Variants in CNTN4 observed in about 807,000 individuals in gnomAD.
The protein encoded by CNTN4 is contactin-4.
CNTN4 carries 77 observed loss-of-function variants against 122.5 expected under a neutral mutation model. The ratio of observed to expected loss-of-function variants is 0.63; its 90% CI spans 0.52 to 0.76. The LOEUF is 0.76. CNTN4 is among the 30% of genes least tolerant of loss of function. CNTN4 has a pLI of 0.00. For missense variants in CNTN4, 1,256 were observed against 1,259.1 expected, an observed-to-expected ratio of 1.00 and a Z score of 0.04; for synonymous variants, 512 against 447.0, an observed-to-expected ratio of 1.15 and a Z score of -1.83.
rs1157671569 is a variant in CNTN4 at position 2,631,865 on chromosome 3, C to CAA, written c.55+60319_55+60320dup. Among the ~76,000 whole-genome samples, 367 of 70,130 alleles carry CAA rather than the reference C, an allele frequency of 5.2e-3. 8 individuals are homozygous for CAA. The highest frequency in any genetic ancestry group is 0.011 in the Admixed American group (63 of 5,780). 46.0% of individuals were successfully genotyped at this position (70,130 alleles called of 152,430 possible). On this transcript the variant is annotated intron_variant, in intron 4 of 24. Coordinates refer to ENST00000418658, the MANE Select transcript of CNTN4 (RefSeq NM_175607.3). ...GCAACATAGGGAGACCGTATCTCTA[C>CAA]AAAAAAAAAAAAACAAAAAAAAACA...
rs111771670 is a variant in CNTN4 at position 2,299,669 on chromosome 3, A to G, written c.-144-39509A>G. The stretch of plus-strand genomic sequence containing the variant: ...ATAAAAATCAGGTAAGCTACAGTAG[A>G]TGTAGAAATTTAACGTGTGTACACA... On this transcript the variant is annotated intron_variant, in intron 2 of 24. Transcript: ENST00000418658. 1.9e-3 allele frequency among the ~76,000 whole-genome samples: 289 copies of G among 152,244 alleles called. 3 individuals carry two copies. Among genetic ancestry groups the G allele is most frequent in the African/African-American group, 6.5e-3 (272 of 41,560 alleles).
intron 4 of CNTN4, among the ~76,000 whole-genome samples, chr3:2,641,114 A>G (rs1257880848): frequency 1.3e-5 from 2 of 152,200 alleles, no homozygotes; most frequent in Non-Finnish European, 2.9e-5. Flanking sequence ...AATGCTATAT[A>G]CAACTTCAAC....
chr3:2,106,156 A>G (rs529085686), intron 2 of CNTN4, among the ~76,000 whole-genome samples: 2 of 152,314 alleles, frequency 1.3e-5, no homozygotes, highest in Admixed American at 1.3e-4. Context: ...CTCCCCTCCC[A>G]ACTGCTTTCA....
rs369795360 is a variant in CNTN4, at chr3:2,610,505, G to A, written c.55+38947G>A. On this transcript the variant is annotated intron_variant, in intron 4 of 24. Transcript: ENST00000418658. ...GTAGCACCCTCGCCATTTCTGCAAC[G>A]ATTTCCACTGAGTCGCATTTCAGCC... Among the ~76,000 whole-genome samples, 223 of 152,216 alleles carry A rather than the reference G, an allele frequency of 1.5e-3. 1 individual carries two copies. The highest frequency in any genetic ancestry group is 4.9e-3 in the African/African-American group (205 of 41,538).
chr3:2,439,825 C>T (rs969475917), intron 3 of CNTN4, among the ~76,000 whole-genome samples: 1 of 152,034 alleles, frequency 6.6e-6, no homozygotes, highest in Non-Finnish European at 1.5e-5. Flanking sequence ...TTCCAGTGCC[C>T]GAGGCATTCA....
intron 2 of CNTN4, among the ~76,000 whole-genome samples, chr3:2,131,906 C>T (rs1422437022): frequency 1.3e-5 from 2 of 152,108 alleles, no homozygotes; most frequent in African/African-American, 4.8e-5. Context: ...TCCCAATTTA[C>T]CTAGTGGGCA....
At chr3:3,046,842 A>G (rs1231788689) in intron 23 of CNTN4, among the ~76,000 whole-genome samples, 2 of 143,566 alleles carry the variant, frequency 1.4e-5, no homozygotes, top group African/African-American at 5.3e-5. Flanking sequence ...CAAATTGGAT[A>G]GAGTCAAGAC....
At chr3:2,335,450 G>C (rs1264170926) in intron 2 of CNTN4, among the ~76,000 whole-genome samples, 1 of 152,118 alleles carries the variant, frequency 6.6e-6, no homozygotes, top group Non-Finnish European at 1.5e-5. Flanking sequence ...TGAGCTTAAA[G>C]AAGGTGGGTA....
At chr3:2,295,254 C>T (rs1347458627) in intron 2 of CNTN4, among the ~76,000 whole-genome samples, 1 of 141,772 alleles carries the variant, frequency 7.1e-6, no homozygotes, top group Non-Finnish European at 1.5e-5. Context: ...AATCGCCACA[C>T]TGACTTCCAC....
intron 3 of CNTN4, among the ~76,000 whole-genome samples, chr3:2,445,013 ATCTATCTCTCT>A (rs1485289092): frequency 2.6e-5 from 4 of 151,834 alleles, no homozygotes; most frequent in African/African-American, 9.7e-5. Context: ...AAAAAAAAAA[ATCTATCTCTCT>A]ATCTATCTAT....
chr3:2,291,707 A>G lies in CNTN4; in HGVS notation c.-144-47471A>G, dbSNP rs1000215991. Among the ~76,000 whole-genome samples, 4 of 151,792 alleles carry G rather than the reference A, an allele frequency of 2.6e-5. No individual in the cohort carries two copies. In the East Asian group the frequency reaches 7.7e-4, roughly 29 times the overall value. ...GCTTATTTGTGTTGATTTGTTTTGA[A>G]CTATAATATTTTATTTTATTTTATT... On this transcript the variant is annotated intron_variant, in intron 2 of 24. Transcript: ENST00000418658.
At chr3:2,928,638 T>C (rs1402967646) in intron 13 of CNTN4, among the ~76,000 whole-genome samples, 17 of 152,198 alleles carry the variant, frequency 1.1e-4, no homozygotes, top group Non-Finnish European at 1.5e-5. Flanking sequence ...AAAAATATTA[T>C]TAATCCCTTA....
intron 12 of CNTN4, among the ~76,000 whole-genome samples, chr3:2,913,507 G>C (rs1169985680): frequency 6.6e-6 from 1 of 152,110 alleles, no homozygotes; most frequent in Non-Finnish European, 1.5e-5. Context: ...GAGAGCAAGG[G>C]TGACCGTATT....
intron 4 of CNTN4, among the ~76,000 whole-genome samples, chr3:2,683,194 T>G (rs986014031): frequency 6.6e-6 from 1 of 152,100 alleles, no homozygotes; most frequent in Non-Finnish European, 1.5e-5. Flanking sequence ...ATAGTTATTT[T>G]CAGACAGAAA....
intron 2 of CNTN4, among the ~76,000 whole-genome samples, chr3:2,176,397 G>A (rs1314756928): frequency 6.6e-6 from 1 of 152,034 alleles, no homozygotes. Context: ...ACATACCTAA[G>A]ATTAGCTTTT....
At chr3:2,107,383 G>T (rs924566856) in intron 2 of CNTN4, among the ~76,000 whole-genome samples, 1 of 152,116 alleles carries the variant, frequency 6.6e-6, no homozygotes, top group Non-Finnish European at 1.5e-5. Context: ...TTAAAATCAT[G>T]GTGGAAGGGG....
chr3:2,541,488 A>G (rs982164142), intron 3 of CNTN4, among the ~76,000 whole-genome samples: 1 of 152,154 alleles, frequency 6.6e-6, no homozygotes, highest in Non-Finnish European at 1.5e-5. Context: ...AAATTCTGAT[A>G]GCACTTAGTA....
chr3:2,489,839 A>AT (rs1489853020), intron 3 of CNTN4, among the ~76,000 whole-genome samples: 6 of 151,984 alleles, frequency 3.9e-5, no homozygotes, highest in African/African-American at 1.5e-4. Flanking sequence ...GTTTTATTCA[A>AT]TTTCTCTAAA....
At chr3:2,158,687 T>A (rs1332016226) in intron 2 of CNTN4, among the ~76,000 whole-genome samples, 1 of 152,222 alleles carries the variant, frequency 6.6e-6, no homozygotes, top group Non-Finnish European at 1.5e-5. Context: ...GATGAGTTTT[T>A]GAGCCTGCAT....
Sources: gnomAD v4.1 joint callset for allele counts (sites outside exome capture counted in the v4.1 genomes callset) on GRCh38, gnomAD v4.1.1 for gene constraint, MANE v1.5 for transcripts, NCBI Gene and HGNC (gene_info 2026-07-23, HGNC 2026-07-21) for gene names.